The following CINP variants were observed in gnomAD, a reference collection of about 807,000 sequenced individuals.
CINP encodes cyclin dependent kinase 2 interacting protein.
CINP carries 11 observed loss-of-function variants against 20.5 expected under a neutral mutation model. The observed-to-expected ratio is 0.54, with a 90% CI of 0.34 to 0.89. CINP has a LOEUF of 0.89. CINP is among the 40% of genes least tolerant of loss of function. CINP has a pLI of 0.02. For synonymous variants in CINP, 108 were observed against 102.1 expected (o/e 1.06, Z -0.35); for missense variants, 213 against 251.0 (o/e 0.85, Z 1.02).
At chr14:102,350,148 A>G in intron 3 of CINP, 100 bp from the exon 4 acceptor site, 1 of 1,136,966 alleles carries the variant, frequency 8.8e-7, no homozygotes, top group Non-Finnish European at 1.3e-6. Flanking sequence ...TAAGTCTATT[A>G]TGATAAAAAT....
chr14:102,352,846 A>G (rs1170864074), intron 3 of CINP, among the ~76,000 whole-genome samples: 1 of 151,726 alleles, frequency 6.6e-6, no homozygotes, highest in Non-Finnish European at 1.5e-5. Flanking sequence ...ATGGGGTTTC[A>G]CTATGTTGGC....
At chr14:102,357,916 G>C (rs189892506) in intron 2 of CINP, among the ~76,000 whole-genome samples, 228 of 152,338 alleles carry the variant, frequency 1.5e-3, no homozygotes, top group Admixed American at 9.9e-3. Flanking sequence ...CTACAGAGAA[G>C]TCAATGACAG....
intron 1 of CINP, among the ~76,000 whole-genome samples, chr14:102,360,002 T>G (rs1260387525): frequency 1.3e-5 from 2 of 152,152 alleles, no homozygotes; most frequent in Non-Finnish European, 2.9e-5. Context: ...ACTTTAAATT[T>G]GCTCAGAGTA....
At chr14:102,358,688 A>C (rs1361214982) in intron 2 of CINP, among the ~76,000 whole-genome samples, 1 of 151,504 alleles carries the variant, frequency 6.6e-6, no homozygotes, top group African/African-American at 2.4e-5. Context: ...TCCAAAAATA[A>C]AAAATAAAAA....
At chr14:102,353,795 C>T (rs746763594) in intron 3 of CINP, among the ~76,000 whole-genome samples, 4 of 151,478 alleles carry the variant, frequency 2.6e-5, no homozygotes, top group Admixed American at 6.6e-5. Flanking sequence ...CAAGACATGA[C>T]GGAAAAGCTA....
chr14:102,355,468 T>A (rs1242614053), intron 3 of CINP: 2 of 229,004 alleles, frequency 8.7e-6, no homozygotes, highest in Non-Finnish European at 1.7e-5. Context: ...TGAGCCAAGA[T>A]CACGCCATTG....
Position 102,362,807 on chromosome 14 carries a change from A to G in CINP, c.7+38T>C, listed in dbSNP as rs748329768. The stretch of plus-strand genomic sequence containing the variant: ...CTGCGGCCTAAGCAGTAACATTCAC[A>G]GCCACCCCACCCCGGGAAAGGAACC... On this transcript the variant is annotated intron_variant, in intron 1 of 4. Transcript: ENST00000216756. The G allele has an allele frequency of 4.3e-6, 7 of 1,613,356 alleles. No homozygotes were observed. The South Asian group carries it at 7.7e-5, about 18-fold the overall frequency.
At chr14:102,354,878 T>G (rs1345686339) in intron 3 of CINP, among the ~76,000 whole-genome samples, 1 of 152,068 alleles carries the variant, frequency 6.6e-6, no homozygotes, top group Non-Finnish European at 1.5e-5. Flanking sequence ...GAGACCAGCC[T>G]GGTCAACATG....
chr14:102,349,818 T>C, intron 4 of CINP, 101 bp downstream of exon 4: 8 of 1,397,798 alleles, frequency 5.7e-6, no homozygotes, highest in Non-Finnish European at 8.0e-6. Context: ...GCATTGAATT[T>C]GAAAGCCTTG....
intron 1 of CINP, 129 bp downstream of exon 1, chr14:102,362,716 G>T: frequency 7.9e-7 from 1 of 1,269,114 alleles, no homozygotes; most frequent in Non-Finnish European, 1.1e-6. Context: ...GGCTAGGCTG[G>T]GGTAAGACAG....
intron 3 of CINP, among the ~76,000 whole-genome samples, chr14:102,355,208 C>T (rs1597748367): frequency 6.6e-6 from 1 of 151,990 alleles, no homozygotes. Context: ...ACTGGCTGGC[C>T]CTGGAAGCCT....
chr14:102,361,220 G>A (rs1454152695), intron 1 of CINP, among the ~76,000 whole-genome samples: 1 of 152,044 alleles, frequency 6.6e-6, no homozygotes, highest in East Asian at 1.9e-4. Context: ...AGGTTGGTGA[G>A]TTCAAAAAAC....
rs1332335256 is a variant in CINP, at chr14:102,348,573, C to T, written c.623G>A (p.Gly208Asp). 6.2e-7 allele frequency: 1 copy of T among 1,611,330 alleles called. No individual in the cohort carries two copies. Reference sequence around the variant, plus strand: ...CTCAGGACGTCAGAGAGCTCGGTGGCCTGTCTCCAGCAGCATGCTCTCCAG... The same window carrying T: ...CTCAGGACGTCAGAGAGCTCGGTGGTCTGTCTCCAGCAGCATGCTCTCCAG... ...LHLESMLLET[G>D]HRAL The change falls in exon 5 of 5, where the codon GGC becomes GAC. Residue 208 changes from glycine to aspartate, a missense_variant. Physicochemically the swap from Gly to Asp is moderately conservative, Grantham distance 94 (BLOSUM62 -1). Coordinates refer to ENST00000216756, the MANE Select transcript of CINP (RefSeq NM_032630.3).
Position 102,359,227 on chromosome 14 carries a change from AATAT to A in CINP, c.176+188_176+191del, listed in dbSNP as rs10632205. ...AAAAAAATAAATAAATAAATAACTA[AATAT>A]ATATATATATATATATATATATGGA... On this transcript the variant is annotated intron_variant, in intron 2 of 4. Coordinates refer to ENST00000216756, the MANE Select transcript of CINP (RefSeq NM_032630.3). Among the ~76,000 whole-genome samples, 710 of 115,410 alleles carry A rather than the reference AATAT, an allele frequency of 6.2e-3. 12 individuals are homozygous for A. The highest frequency in any genetic ancestry group is 0.02 in the African/African-American group (616 of 31,578). 75.7% of individuals were successfully genotyped at this position (115,410 alleles called of 152,430 possible). A position where few individuals can be genotyped will look rare whatever the true frequency, so the allele number is the denominator to read the frequency against.
intron 3 of CINP, among the ~76,000 whole-genome samples, chr14:102,352,799 C>T (rs1305414530): frequency 1.3e-5 from 2 of 151,580 alleles, no homozygotes; most frequent in African/African-American, 4.8e-5. Context: ...AGGCACCTGC[C>T]ACCACCCCCA....
intron 1 of CINP, chr14:102,362,625 T>A: frequency 1.4e-6 from 1 of 715,254 alleles, no homozygotes; most frequent in Non-Finnish European, 2.6e-6. Context: ...GTCCCGTTCA[T>A]CTGTCACTGC....
Position 102,349,885 on chromosome 14 carries a change from C to A in CINP, c.436+34G>T. The A allele has an allele frequency of 1.9e-6, 3 of 1,612,346 alleles. No individual in the cohort carries two copies. The East Asian group carries it at 6.7e-5, about 36-fold the overall frequency. On this transcript the variant is annotated intron_variant, in intron 4 of 4. Coordinates refer to ENST00000216756, the MANE Select transcript of CINP (RefSeq NM_032630.3). ...ACTAAATGCCCTTAATAACCTTTAC[C>A]CTCCTGAAAATCAACTGAGAAGGAA...
At chr14:102,352,564 G>C (rs188205468) in intron 3 of CINP, 1 of 455,816 alleles carries the variant, frequency 2.2e-6, no homozygotes, top group African/African-American at 2.0e-5. Flanking sequence ...CTCTATAACG[G>C]ATAGAGGAAA....
At chr14:102,352,063 C>T (rs1298834519) in intron 3 of CINP, among the ~76,000 whole-genome samples, 1 of 152,004 alleles carries the variant, frequency 6.6e-6, no homozygotes. Flanking sequence ...TTTTTTGGTA[C>T]TTTTAGCAGA....
Sources: allele counts gnomAD v4.1 joint callset (sites outside exome capture counted in the v4.1 genomes callset), GRCh38; gene constraint gnomAD v4.1.1; transcripts MANE v1.5; gene names NCBI Gene and HGNC (gene_info 2026-07-23, HGNC 2026-07-21).